KIAA1671: variants seen among roughly 807,000 people sequenced by gnomAD.
KIAA1671 encodes KIAA1671.
A neutral mutation model predicts 131.2 loss-of-function variants in KIAA1671; 52 were observed. That is an observed-to-expected ratio of 0.40 (90% CI 0.32 to 0.50). The LOEUF is 0.50. KIAA1671 is among the 20% of genes least tolerant of loss of function. KIAA1671 has a pLI of 0.73. For synonymous variants in KIAA1671, 1,003 were observed against 961.6 expected (o/e 1.04, Z -0.80); for missense variants, 2,360 against 2,364.2 (o/e 1.00, Z 0.04).
intron 5 of KIAA1671, among the ~76,000 whole-genome samples, chr22:25,044,125 A>G (rs1240342968): frequency 2.0e-5 from 3 of 152,210 alleles, no homozygotes; most frequent in African/African-American, 4.8e-5. Flanking sequence ...CACCATGTGC[A>G]GGATCACGCA....
intron 6 of KIAA1671, among the ~76,000 whole-genome samples, chr22:25,129,912 TAGAACA>T (rs1932359333): frequency 6.6e-6 from 1 of 152,186 alleles, no homozygotes; most frequent in South Asian, 2.1e-4. Flanking sequence ...ACAATGCTCA[TAGAACA>T]GTGCCTGGCA....
At chr22:25,109,355 G>T (rs1413380488) in intron 6 of KIAA1671, among the ~76,000 whole-genome samples, 1 of 151,984 alleles carries the variant, frequency 6.6e-6, no homozygotes, top group Non-Finnish European at 1.5e-5. Flanking sequence ...TGATCCACCC[G>T]CCTCGGCCTC....
At position 25,093,858 on chromosome 22, in the gene KIAA1671, C is replaced by CTCTCTG. The variant is rs1930264916; in HGVS notation, c.4530+44499_4530+44500insGTCTCT. Among the ~76,000 whole-genome samples, 3 of 132,628 alleles carry CTCTCTG rather than the reference C, an allele frequency of 2.3e-5. 1 individual carries two copies. The highest frequency in any genetic ancestry group is 2.1e-4 in the East Asian group (1 of 4,684). The allele number at this position is 132,628 out of a possible 152,430, so 87.0% of individuals were successfully genotyped here. A position where few individuals can be genotyped will look rare whatever the true frequency, so the allele number is the denominator to read the frequency against. The stretch of plus-strand genomic sequence containing the variant: ...TGTCTGTCTCTCTCTCTCTCTCTCT[C>CTCTCTG]TCTCTCTCTCTCTCTCTCTCTCTCT... On this transcript the variant is annotated intron_variant, in intron 6 of 12. Coordinates refer to ENST00000358431, the MANE Select transcript of KIAA1671 (RefSeq NM_001145206.2).
chr22:25,032,616 A>G lies in KIAA1671; in HGVS notation c.1549A>G (p.Ser517Gly), dbSNP rs1926354565. 6 of 1,544,176 alleles carry G rather than the reference A, an allele frequency of 3.9e-6. No homozygotes were observed. In the South Asian group the frequency reaches 6.0e-5, roughly 15 times the overall value. The change falls in exon 4 of 13, where the codon AGT becomes GGT. Residue 517 changes from serine to glycine, a missense_variant. By Grantham distance (56) the Ser-to-Gly change is moderately conservative. Around this residue, in one of 3 missense-constraint regions of KIAA1671, gnomAD observed 1,185 missense variants for 1,126.2 expected, o/e 1.05. Coordinates refer to ENST00000358431, the MANE Select transcript of KIAA1671 (RefSeq NM_001145206.2). ...LSADLTKLFS[S>G]SASSNEVKYE... ...CTCAGATCTCTGTACCAGGTTTTCA[A>G]GTTCAGCTTCCAGCAACGAAGTCAA...
rs1926073799 is a variant in KIAA1671 at position 25,028,377 on chromosome 22, G to A, written c.378G>A (p.Thr126=). Residue 126 remains threonine (T), a synonymous_variant, in exon 3 of 13, where the codon ACG becomes ACA. Transcript: ENST00000358431. ...TGGGCAGTGGGGAGGGCCCGAGGAC[G>A]AGCTCGCCCCTCTTCAACAAGGCTG... ...QEVGSGEGPR[T]SSPLFNKAVF... is the part of the protein sequence containing the mutation. 13 of 1,550,802 alleles carry A rather than the reference G, an allele frequency of 8.4e-6. No individual in the cohort carries two copies. Among genetic ancestry groups the A allele is most frequent in the South Asian group, 1.2e-5 (1 of 84,024 alleles).
At chr22:25,027,708 C>T (rs2123900980) in intron 2 of KIAA1671, among the ~76,000 whole-genome samples, 1 of 152,278 alleles carries the variant, frequency 6.6e-6, no homozygotes, top group East Asian at 1.9e-4. Context: ...GTGTTGATGC[C>T]TTTTCTACAC....
At chr22:25,078,887 C>T (rs940679231) in intron 6 of KIAA1671, among the ~76,000 whole-genome samples, 11 of 152,246 alleles carry the variant, frequency 7.2e-5, no homozygotes, top group African/African-American at 2.4e-4. Context: ...GAGGCAAAAA[C>T]GGGCTTGGAG....
chr22:24,969,098 C>T (rs1602033144), intron 1 of KIAA1671, among the ~76,000 whole-genome samples: 1 of 152,028 alleles, frequency 6.6e-6, no homozygotes, highest in Non-Finnish European at 1.5e-5. Flanking sequence ...ACAGAATCTC[C>T]CATTGTTGCC....
At chr22:25,182,103 T>C (rs1407451736) in intron 10 of KIAA1671, among the ~76,000 whole-genome samples, 8 of 151,792 alleles carry the variant, frequency 5.3e-5, no homozygotes, top group East Asian at 1.9e-4. Flanking sequence ...GGCTTGAACC[T>C]GGGAGGCGGA....
chr22:25,014,909 G>T (rs560924301), intron 1 of KIAA1671: 1 of 152,054 alleles, frequency 6.6e-6, no homozygotes, highest in African/African-American at 2.4e-5. Context: ...TAAAGCAGGG[G>T]TCAGCAAATT....
At chr22:25,008,369 T>C (rs551965588) in intron 1 of KIAA1671, among the ~76,000 whole-genome samples, 2 of 152,202 alleles carry the variant, frequency 1.3e-5, no homozygotes, top group East Asian at 3.9e-4. Flanking sequence ...TAAATCACTT[T>C]GCCTTTCCAA....
rs184298173 is a variant in KIAA1671 at position 24,970,794 on chromosome 22, A to T, written c.-208+18022A>T. Among the ~76,000 whole-genome samples the T allele has an allele frequency of 2.0e-3, 303 of 151,624 alleles. 1 individual carries two copies. Among genetic ancestry groups the T allele is most frequent in the African/African-American group, 6.7e-3 (276 of 41,346 alleles). ...AAGTTTATGAATTTGTGTTGGGCTC[A>T]TTTAAAGCTGTCCTGCAGCCCGAGG... is the stretch of plus-strand genomic sequence containing the variant. On this transcript the variant is annotated intron_variant, in intron 1 of 12. Transcript: ENST00000358431.
At chr22:24,967,785 G>C (rs1395807641) in intron 1 of KIAA1671, among the ~76,000 whole-genome samples, 1 of 152,226 alleles carries the variant, frequency 6.6e-6, no homozygotes, top group African/African-American at 2.4e-5. Context: ...GAGGTCAGGA[G>C]ATCGAGACCA....
intron 6 of KIAA1671, among the ~76,000 whole-genome samples, chr22:25,140,846 A>G (rs1269515900): frequency 1.3e-5 from 2 of 152,210 alleles, no homozygotes; most frequent in African/African-American, 4.8e-5. Flanking sequence ...TGCATTTCAT[A>G]TGTGGTCACT....
chr22:25,087,592 C>A (rs1220411853), intron 6 of KIAA1671, among the ~76,000 whole-genome samples: 2 of 152,090 alleles, frequency 1.3e-5, no homozygotes, highest in Non-Finnish European at 2.9e-5. Flanking sequence ...TCTCAAAAAC[C>A]AACCAACCAA....
At chr22:24,988,561 C>T (rs753825789) in intron 1 of KIAA1671, among the ~76,000 whole-genome samples, 6 of 151,098 alleles carry the variant, frequency 4.0e-5, no homozygotes, top group African/African-American at 9.8e-5. Context: ...ATGGTGAAAC[C>T]CCATCTCTAC....
chr22:25,055,567 T>C (rs1294214412), intron 6 of KIAA1671: 2 of 149,576 alleles, frequency 1.3e-5, no homozygotes, highest in Non-Finnish European at 3.0e-5. Context: ...TCTAAAACAA[T>C]GAATAAATAA....
intron 1 of KIAA1671, among the ~76,000 whole-genome samples, chr22:24,963,699 G>A (rs1345541077): frequency 6.6e-6 from 1 of 152,008 alleles, no homozygotes; most frequent in African/African-American, 2.4e-5. Flanking sequence ...CCAGCACTTT[G>A]GGAGGATGAG....
Position 25,112,891 on chromosome 22 carries a change from C to T in KIAA1671, c.4531-57929C>T, listed in dbSNP as rs531128799. Among the ~76,000 whole-genome samples, 11 of 152,238 alleles carry T rather than the reference C, an allele frequency of 7.2e-5. No homozygotes were observed. The East Asian group carries it at 1.7e-3, about 24-fold the overall frequency. On this transcript the variant is annotated intron_variant, in intron 6 of 12. Coordinates refer to ENST00000358431, the MANE Select transcript of KIAA1671 (RefSeq NM_001145206.2). ...GTGCACGCTGAGTTGTAGCTTTTGT[C>T]GTTCCACCGAGCTTTCATTGGATTG...
Sources: gnomAD v4.1 joint callset for allele counts (sites outside exome capture counted in the v4.1 genomes callset) on GRCh38, gnomAD v4.1.1 for gene constraint, gnomAD v4.1.1 regional missense constraint, MANE v1.5 for transcripts, NCBI Gene and HGNC (gene_info 2026-07-23, HGNC 2026-07-21) for gene names.